Variants in ARHGEF3 observed in about 807,000 individuals in gnomAD.
The protein encoded by ARHGEF3 is Rho guanine nucleotide exchange factor 3.
In ARHGEF3, 28 loss-of-function variants were observed where a neutral mutation model predicts 63.2. The ratio of observed to expected loss-of-function variants is 0.44; its 90% CI spans 0.33 to 0.61. ARHGEF3 has a LOEUF of 0.61. Among genes scored for constraint, ARHGEF3 ranks in the 20% least tolerant of loss-of-function variants. ARHGEF3 has a pLI of 0.03. For missense variants in ARHGEF3, 533 were observed against 659.3 expected, an observed-to-expected ratio of 0.81 and a Z score of 2.10; for synonymous variants, 266 against 254.2, an observed-to-expected ratio of 1.05 and a Z score of -0.44.
At chr3:57,073,588 T>G (rs978856952) in intron 1 of ARHGEF3, 15 of 1,459,240 alleles carry the variant, frequency 1.0e-5, no homozygotes, top group Middle Eastern at 2.5e-4. Context: ...ATTGGAACAG[T>G]GCACTCAGAG....
At chr3:56,885,894 A>G (rs1255753411) in intron 3 of ARHGEF3, among the ~76,000 whole-genome samples, 1 of 152,220 alleles carries the variant, frequency 6.6e-6, no homozygotes, top group Non-Finnish European at 1.5e-5. Flanking sequence ...AGTAGCCTGA[A>G]GTTTAAACTC....
At chr3:56,731,977 T>A (rs114163522) in intron 9 of ARHGEF3, 3 of 596,784 alleles carry the variant, frequency 5.0e-6, no homozygotes, top group Non-Finnish European at 8.9e-6. Context: ...ACTAACTATG[T>A]GCAGACAGTT....
intron 1 of ARHGEF3, among the ~76,000 whole-genome samples, chr3:56,788,229 G>A (rs12638959): frequency 0.02 from 3,069 of 152,232 alleles, 123 homozygotes; most frequent in South Asian, 0.13. Context: ...TCCAGCATCA[G>A]GGAGCCTATT....
rs540705657 is a variant in ARHGEF3 at position 56,894,235 on chromosome 3, C to T, written c.130-11881G>A. 1.1e-4 allele frequency among the ~76,000 whole-genome samples: 16 copies of T among 152,332 alleles called. No individual in the cohort carries two copies. In the South Asian group the frequency reaches 3.1e-3, roughly 30 times the overall value. On this transcript the variant is annotated intron_variant, in intron 3 of 12. Coordinates refer to the ARHGEF3 transcript ENST00000338458. Reference sequence around the variant, plus strand: ...TCTTGTACACTGGAATCACCTGGGTCCGCTCAACTGTGTTCTTTCTGAGAA... The same window carrying T: ...TCTTGTACACTGGAATCACCTGGGTTCGCTCAACTGTGTTCTTTCTGAGAA...
intron 1 of ARHGEF3, chr3:57,074,689 G>A (rs1382483632): frequency 5.1e-6 from 1 of 194,180 alleles, no homozygotes; most frequent in East Asian, 1.5e-4. Context: ...CTGGGTAAGT[G>A]CCACTAGGTG....
chr3:56,939,315 C>T (rs985801427), intron 3 of ARHGEF3, among the ~76,000 whole-genome samples: 3 of 152,150 alleles, frequency 2.0e-5, no homozygotes, highest in East Asian at 1.9e-4. Flanking sequence ...CCTCAGTTCT[C>T]GACATCACCA....
intron 4 of ARHGEF3, among the ~76,000 whole-genome samples, chr3:56,847,450 G>A (rs894624954): frequency 6.6e-6 from 1 of 152,182 alleles, no homozygotes; most frequent in Non-Finnish European, 1.5e-5. Flanking sequence ...TGGAGGTGAG[G>A]AGGGAGCATT....
At chr3:57,018,659 T>C (rs2096581933) in intron 2 of ARHGEF3, among the ~76,000 whole-genome samples, 1 of 152,008 alleles carries the variant, frequency 6.6e-6, no homozygotes, top group Non-Finnish European at 1.5e-5. Flanking sequence ...TTGGGGGAGG[T>C]TGTGATGCTT....
rs541749521 is a variant in ARHGEF3, at chr3:57,020,984, T to C, written c.62+14104A>G. Reference sequence around the variant, plus strand: ...AATGTAAGTTGGTCTAATGGATGAATGGTTTGTTCATTTCCTCTAGCTTCA... The same window carrying C: ...AATGTAAGTTGGTCTAATGGATGAACGGTTTGTTCATTTCCTCTAGCTTCA... On this transcript the variant is annotated intron_variant, in intron 2 of 12. Coordinates refer to the ARHGEF3 transcript ENST00000338458. Among the ~76,000 whole-genome samples the C allele has an allele frequency of 5.3e-5, 8 of 152,374 alleles. No homozygotes were observed. In the South Asian group the frequency reaches 8.3e-4, roughly 16 times the overall value.
chr3:56,897,812 A>G lies in ARHGEF3; in HGVS notation c.130-15458T>C, dbSNP rs370493393. 9.0e-4 allele frequency among the ~76,000 whole-genome samples: 136 copies of G among 151,950 alleles called. 3 individuals carry two copies. In the South Asian group the frequency reaches 0.025, roughly 28 times the overall value. ...GATCTCTTGACCTCGTGATCTGCCCACCTCGACCTCCCAAAGTGTTGGGAT... is the reference window on the plus strand; with the variant it reads ...GATCTCTTGACCTCGTGATCTGCCCGCCTCGACCTCCCAAAGTGTTGGGAT... On this transcript the variant is annotated intron_variant, in intron 3 of 12. Transcript: ENST00000338458.
intron 2 of ARHGEF3, among the ~76,000 whole-genome samples, chr3:57,030,063 G>A (rs867160702): frequency 6.6e-6 from 1 of 152,318 alleles, no homozygotes; most frequent in Admixed American, 6.5e-5. Flanking sequence ...ACGTCTAATG[G>A]GGAGGGCTTC....
Position 56,745,187 on chromosome 3 carries a change from GGAAACA to G in ARHGEF3, c.870+12_870+17del, listed in dbSNP as rs1404271531. 1 of 1,607,194 alleles carries G rather than the reference GGAAACA, an allele frequency of 6.2e-7. No homozygotes were observed. Among genetic ancestry groups the G allele is most frequent in the Non-Finnish European group, 8.5e-7 (1 of 1,175,688 alleles). On this transcript the variant is annotated intron_variant, in intron 7 of 9. Coordinates refer to ENST00000296315, the MANE Select transcript of ARHGEF3 (RefSeq NM_019555.3). ...GTGGAAATAACAAGAAGAGAGAGAA[GGAAACA>G]GACAAACTTACAGCTTCTTCCAAGT...
chr3:56,861,948 C>A (rs868298341), intron 4 of ARHGEF3, among the ~76,000 whole-genome samples: 5 of 151,116 alleles, frequency 3.3e-5, no homozygotes, highest in Middle Eastern at 3.4e-3. Context: ...GGTCTATAAC[C>A]TATAATAGTT....
At chr3:56,992,433 G>T (rs1701800655) in intron 2 of ARHGEF3, among the ~76,000 whole-genome samples, 1 of 133,626 alleles carries the variant, frequency 7.5e-6, no homozygotes, top group Admixed American at 8.3e-5. Flanking sequence ...AGGTCATGTG[G>T]CCTCCAGCAT....
At chr3:56,760,204 C>T (rs1426174903) in intron 2 of ARHGEF3, among the ~76,000 whole-genome samples, 1 of 152,120 alleles carries the variant, frequency 6.6e-6, no homozygotes, top group African/African-American at 2.4e-5. Flanking sequence ...CTAAGTTGAC[C>T]TCCAAATAGG....
In ARHGEF3 at chr3:56,893,811, CAAAAAAAAAAAAAAAAAAAAAAAAAAAAA is replaced by C. The variant is rs537483698; in HGVS notation, c.130-11486_130-11458del. ...ACAGAGCAAGAACAAGACTCTGTCT[CAAAAAAAAAAAAAAAAAAAAAAAAAAAAA>C]AAAAAAAAAAAATCCACTGCCTTGC... On this transcript the variant is annotated intron_variant, in intron 3 of 12. Transcript: ENST00000338458. 1.0e-4 allele frequency among the ~76,000 whole-genome samples: 8 copies of C among 79,542 alleles called. 1 individual carries two copies. Among genetic ancestry groups the C allele is most frequent in the African/African-American group, 3.0e-4 (8 of 26,244 alleles). 52.2% of individuals were successfully genotyped at this position (79,542 alleles called of 152,430 possible). A position where few individuals can be genotyped will look rare whatever the true frequency, so the allele number is the denominator to read the frequency against.
intron 3 of ARHGEF3, among the ~76,000 whole-genome samples, chr3:56,951,775 GTTAGTATGAGGTGAA>G (rs1560078502): frequency 1.3e-5 from 2 of 151,878 alleles, no homozygotes; most frequent in Non-Finnish European, 2.9e-5. Flanking sequence ...TATGTTAGAG[GTTAGTATGAGGTGAA>G]TATTGCAAAT....
In ARHGEF3 at chr3:56,755,098, G is replaced by A; in HGVS notation, c.258C>T (p.Pro86=). Residue 86 remains proline (P), a synonymous_variant, in exon 3 of 10, where the codon CCC becomes CCT. Transcript: ENST00000296315. ...TCGAGGGGGCGGCATTTCTGGACCA[G>A]GGTCGGGGGGCGAGGATGTCAGGGC... ...ESRPDILAPR[P]WSRNAAPSST... The A allele has an allele frequency of 6.2e-7, 1 of 1,614,088 alleles. No individual in the cohort carries two copies.
At chr3:56,743,280 G>T (rs1559894680) in intron 7 of ARHGEF3, among the ~76,000 whole-genome samples, 1 of 152,188 alleles carries the variant, frequency 6.6e-6, no homozygotes, top group Non-Finnish European at 1.5e-5. Context: ...ATCCTACTTG[G>T]AGGCACCCAG....
Sources: allele counts gnomAD v4.1 joint callset (sites outside exome capture counted in the v4.1 genomes callset), GRCh38; gene constraint gnomAD v4.1.1; transcripts MANE v1.5; gene names NCBI Gene and HGNC (gene_info 2026-07-23, HGNC 2026-07-21).